Variants in HCN1 observed in about 807,000 individuals in gnomAD.
HCN1 encodes the protein potassium/sodium hyperpolarization-activated cyclic nucleotide-gated channel 1.
Under a neutral mutation model 78.9 loss-of-function variants are expected in HCN1, and 13 were observed. That is an observed-to-expected ratio of 0.16 (90% CI 0.11 to 0.26). HCN1 has a LOEUF of 0.26. Ranked by LOEUF, HCN1 falls within the 10% of genes least tolerant of loss-of-function variation. The pLI is 1.00. For synonymous variants in HCN1, 552 were observed against 455.5 expected, an observed-to-expected ratio of 1.21 and a Z score of -2.70; for missense variants, 810 against 1,154.3, an observed-to-expected ratio of 0.70 and a Z score of 4.32.
intron 6 of HCN1, among the ~76,000 whole-genome samples, chr5:45,285,713 A>T (rs1278590781): frequency 1.3e-5 from 2 of 152,026 alleles, no homozygotes; most frequent in Admixed American, 1.3e-4. Context: ...CTTGATTTAA[A>T]GATGTTCCTA....
chr5:45,371,885 AAATAT>A (rs1357718492), intron 4 of HCN1, among the ~76,000 whole-genome samples: 5 of 98,478 alleles, frequency 5.1e-5, no homozygotes, highest in Admixed American at 1.5e-4. Flanking sequence ...TATATGAAAT[AAATAT>A]AATATACATT....
intron 5 of HCN1, among the ~76,000 whole-genome samples, chr5:45,328,957 G>T (rs1561108742): frequency 6.6e-6 from 1 of 151,728 alleles, no homozygotes; most frequent in East Asian, 2.0e-4. Flanking sequence ...ACAATATTTA[G>T]TGTTGTGGAG....
At chr5:45,508,479 A>G (rs1222065319) in intron 2 of HCN1, among the ~76,000 whole-genome samples, 3 of 152,110 alleles carry the variant, frequency 2.0e-5, no homozygotes, top group Non-Finnish European at 4.4e-5. Context: ...GCTCACCAAC[A>G]TTTCCTCAAA....
intron 5 of HCN1, among the ~76,000 whole-genome samples, chr5:45,318,815 C>T (rs748761229): frequency 2.0e-5 from 3 of 151,840 alleles, no homozygotes; most frequent in Non-Finnish European, 2.9e-5. Flanking sequence ...CAGCCGGATT[C>T]AAATATAGAC....
intron 1 of HCN1, among the ~76,000 whole-genome samples, chr5:45,660,846 T>A (rs1235279110): frequency 1.6e-5 from 2 of 127,398 alleles, no homozygotes; most frequent in Non-Finnish European, 3.3e-5. Flanking sequence ...CTCCCACACA[T>A]TAATAATGGG....
intron 2 of HCN1, among the ~76,000 whole-genome samples, chr5:45,612,203 G>T (rs1744852190): frequency 6.6e-6 from 1 of 152,050 alleles, no homozygotes; most frequent in South Asian, 2.1e-4. Context: ...TACCCAAGAA[G>T]TGTTTCTATT....
At chr5:45,457,589 T>G (rs1484337273) in intron 3 of HCN1, among the ~76,000 whole-genome samples, 1 of 152,150 alleles carries the variant, frequency 6.6e-6, no homozygotes, top group Non-Finnish European at 1.5e-5. Flanking sequence ...TAGCCTGCAC[T>G]TTTAGTCCGC....
At chr5:45,505,443 T>TC (rs926880403) in intron 2 of HCN1, among the ~76,000 whole-genome samples, 1 of 152,184 alleles carries the variant, frequency 6.6e-6, no homozygotes, top group Non-Finnish European at 1.5e-5. Context: ...AGGGCTCTGC[T>TC]CCTTTCCATT....
At chr5:45,507,249 C>T (rs550753921) in intron 2 of HCN1, among the ~76,000 whole-genome samples, 3 of 152,308 alleles carry the variant, frequency 2.0e-5, no homozygotes, top group African/African-American at 7.2e-5. Context: ...ACTCCATAGT[C>T]TCTGCCCTTT....
intron 5 of HCN1, among the ~76,000 whole-genome samples, chr5:45,319,165 G>T (rs1561104356): frequency 6.6e-6 from 1 of 152,054 alleles, no homozygotes; most frequent in East Asian, 1.9e-4. Context: ...AAGCTGGGAG[G>T]AACATTCTTG....
In HCN1 at chr5:45,540,529, C is replaced by T. The variant is rs189735447; in HGVS notation, c.850-78522G>A. Among the ~76,000 whole-genome samples, 49 of 152,002 alleles carry T rather than the reference C, an allele frequency of 3.2e-4. 1 individual carries two copies. In the East Asian group the frequency reaches 7.4e-3, roughly 23 times the overall value. On this transcript the variant is annotated intron_variant, in intron 2 of 7. Transcript: ENST00000303230. ...TTTTTCTGTAGAGACAGGGTTTTGC[C>T]GTGTTGCCCAGGCTGGTCTTGAACT... is the stretch of plus-strand genomic sequence containing the variant.
chr5:45,318,357 T>A (rs988052141), intron 5 of HCN1, among the ~76,000 whole-genome samples: 1 of 152,052 alleles, frequency 6.6e-6, no homozygotes, highest in African/African-American at 2.4e-5. Context: ...AGGTGGGAAT[T>A]GAACAATGAG....
At chr5:45,589,567 A>G (rs568115042) in intron 2 of HCN1, among the ~76,000 whole-genome samples, 5 of 152,354 alleles carry the variant, frequency 3.3e-5, no homozygotes, top group African/African-American at 7.2e-5. Flanking sequence ...GAACAAAATT[A>G]TGACCAATGA....
intron 4 of HCN1, among the ~76,000 whole-genome samples, chr5:45,389,494 C>T (rs1257903745): frequency 6.6e-6 from 1 of 152,134 alleles, no homozygotes; most frequent in Admixed American, 6.6e-5. Flanking sequence ...ACCCCACCCA[C>T]TATATTACAA....
intron 2 of HCN1, among the ~76,000 whole-genome samples, chr5:45,497,683 G>C (rs1341978925): frequency 5.9e-5 from 9 of 152,070 alleles, no homozygotes; most frequent in African/African-American, 2.2e-4. Flanking sequence ...CTTTTAATTG[G>C]AGCATTTAGT....
intron 2 of HCN1, among the ~76,000 whole-genome samples, chr5:45,598,325 C>T (rs945034780): frequency 3.9e-5 from 6 of 152,236 alleles, no homozygotes; most frequent in East Asian, 3.9e-4. Context: ...AAAGGATTCC[C>T]TATTTAATAA....
intron 4 of HCN1, among the ~76,000 whole-genome samples, chr5:45,391,684 C>T (rs1447229967): frequency 6.6e-6 from 1 of 152,052 alleles, no homozygotes; most frequent in Non-Finnish European, 1.5e-5. Context: ...GGCTTCAAAT[C>T]TGATGAGAGG....
chr5:45,305,571 T>C (rs1322312540), intron 5 of HCN1, among the ~76,000 whole-genome samples: 3 of 152,062 alleles, frequency 2.0e-5, no homozygotes, highest in Non-Finnish European at 4.4e-5. Flanking sequence ...GTGATAATTT[T>C]AGCTGATGCA....
chr5:45,319,199 C>G (rs1561104373), intron 5 of HCN1, among the ~76,000 whole-genome samples: 1 of 151,906 alleles, frequency 6.6e-6, no homozygotes, highest in Non-Finnish European at 1.5e-5. Context: ...ACTGATTTGG[C>G]TTGAGTGTAC....
Sources: gnomAD v4.1 joint callset for allele counts (sites outside exome capture counted in the v4.1 genomes callset) on GRCh38, gnomAD v4.1.1 for gene constraint, MANE v1.5 for transcripts, NCBI Gene and HGNC (gene_info 2026-07-23, HGNC 2026-07-21) for gene names.